The following CPQ variants were observed in gnomAD, a reference collection of about 807,000 sequenced individuals.
The protein encoded by CPQ is Ser-Met dipeptidase.
A neutral mutation model predicts 45.7 loss-of-function variants in CPQ; 37 were observed. The observed-to-expected ratio is 0.81, with a 90% CI of 0.62 to 1.07. The LOEUF (loss-of-function observed/expected upper bound fraction) is 1.07. Among genes scored for constraint, CPQ ranks in the 50% least tolerant of loss-of-function variants. The probability of loss-of-function intolerance (pLI) is 0.00; values close to 1 mark genes in which losing one functional copy is unlikely to be tolerated. For synonymous variants in CPQ, 186 were observed against 205.8 expected (o/e 0.90, Z 0.82); for missense variants, 537 against 572.9 (o/e 0.94, Z 0.64).
chr8:96,986,515 C>T (rs1417263287), intron 5 of CPQ, among the ~76,000 whole-genome samples: 1 of 152,012 alleles, frequency 6.6e-6, no homozygotes, highest in African/African-American at 2.4e-5. Flanking sequence ...TCTCTCAAAC[C>T]CCAATGCCCA....
chr8:96,653,179 T>C (rs1045309857), intron 1 of CPQ, among the ~76,000 whole-genome samples: 1 of 152,208 alleles, frequency 6.6e-6, no homozygotes, highest in African/African-American at 2.4e-5. Flanking sequence ...TCTACTCTCC[T>C]TGGCCTCCCA....
At chr8:96,822,811 C>T (rs1811328052) in intron 2 of CPQ, among the ~76,000 whole-genome samples, 1 of 152,018 alleles carries the variant, frequency 6.6e-6, no homozygotes, top group Non-Finnish European at 1.5e-5. Context: ...AGTTCGTTAG[C>T]ATAAAATCCT....
chr8:97,094,599 G>A (rs1258957378), intron 7 of CPQ, among the ~76,000 whole-genome samples: 2 of 151,984 alleles, frequency 1.3e-5, no homozygotes, highest in South Asian at 2.1e-4. Flanking sequence ...TATAGCATGT[G>A]TTCCTCTTCT....
intron 6 of CPQ, among the ~76,000 whole-genome samples, chr8:97,036,205 G>A (rs1810003686): frequency 6.6e-6 from 1 of 152,102 alleles, no homozygotes; most frequent in Non-Finnish European, 1.5e-5. Context: ...AACACATGGG[G>A]GCTGTTGAAA....
intron 1 of CPQ, among the ~76,000 whole-genome samples, chr8:96,661,951 G>GAGTAT (rs1815706270): frequency 1.3e-5 from 2 of 152,166 alleles, no homozygotes; most frequent in Admixed American, 1.3e-4. Flanking sequence ...CCAGCATTTG[G>GAGTAT]TGTTGTCAGT....
At chr8:97,074,943 A>G (rs1810816697) in intron 7 of CPQ, among the ~76,000 whole-genome samples, 1 of 152,116 alleles carries the variant, frequency 6.6e-6, no homozygotes, top group Non-Finnish European at 1.5e-5. Context: ...CCAGATGAAA[A>G]AGAGTCATAA....
At chr8:97,103,149 T>A (rs1304580766) in intron 7 of CPQ, among the ~76,000 whole-genome samples, 4 of 152,152 alleles carry the variant, frequency 2.6e-5, no homozygotes, top group Non-Finnish European at 5.9e-5. Context: ...TAATCAACCA[T>A]CTTAAAATCC....
chr8:96,723,056 GTTTTCAACTTAACA>G (rs1007150012), intron 1 of CPQ, among the ~76,000 whole-genome samples: 1 of 152,116 alleles, frequency 6.6e-6, no homozygotes, highest in Non-Finnish European at 1.5e-5. Context: ...TTTGGGGAAA[GTTTTCAACTTAACA>G]TTTTCAGCTT....
rs186491332 is a variant in CPQ at position 96,927,532 on chromosome 8, G to A, written c.850-38403G>A. ...CATTATTGTGCTCCTGAGGGGTTGC[G>A]CTCCTAGACTTCATCAGTGTCACTG... On this transcript the variant is annotated intron_variant, in intron 4 of 7. Transcript: ENST00000220763. Among the ~76,000 whole-genome samples, 210 of 152,260 alleles carry A rather than the reference G, an allele frequency of 1.4e-3. 2 individuals carry two copies. Among genetic ancestry groups the A allele is most frequent in the Admixed American group, 0.01 (153 of 15,292 alleles).
At chr8:97,072,547 C>T (rs187224017) in intron 7 of CPQ, among the ~76,000 whole-genome samples, 190 of 152,210 alleles carry the variant, frequency 1.2e-3, no homozygotes, top group Middle Eastern at 0.01. Flanking sequence ...GTCAAACTGT[C>T]GCTGTTTGCT....
At chr8:96,681,607 A>G (rs1279002435) in intron 1 of CPQ, among the ~76,000 whole-genome samples, 1 of 152,226 alleles carries the variant, frequency 6.6e-6, no homozygotes, top group Non-Finnish European at 1.5e-5. Flanking sequence ...GTGGGGTTGG[A>G]ACCCAACACA....
chr8:96,747,349 G>T (rs1169083230), intron 1 of CPQ, among the ~76,000 whole-genome samples: 1 of 151,598 alleles, frequency 6.6e-6, no homozygotes, highest in Non-Finnish European at 1.5e-5. Flanking sequence ...AGCAAGGGCT[G>T]ACCAATGCAT....
intron 1 of CPQ, among the ~76,000 whole-genome samples, chr8:96,718,714 G>A (rs540214748): frequency 3.4e-4 from 51 of 152,122 alleles, no homozygotes; most frequent in African/African-American, 8.9e-4. Context: ...GAGCCGAGTG[G>A]TCTGTTTTGA....
intron 6 of CPQ, among the ~76,000 whole-genome samples, chr8:97,042,274 A>G (rs370149939): frequency 0.012 from 1,836 of 148,068 alleles, 43 homozygotes; most frequent in African/African-American, 0.043. Flanking sequence ...TATTTGCGTA[A>G]AGGTGTTTGT....
intron 5 of CPQ, among the ~76,000 whole-genome samples, chr8:96,984,907 T>G (rs1217366234): frequency 6.6e-6 from 1 of 152,206 alleles, no homozygotes; most frequent in Non-Finnish European, 1.5e-5. Context: ...ACTGATATGT[T>G]TATGAACTAT....
intron 1 of CPQ, among the ~76,000 whole-genome samples, chr8:96,686,200 T>C (rs925995475): frequency 3.9e-5 from 6 of 152,058 alleles, no homozygotes; most frequent in Non-Finnish European, 7.4e-5. Context: ...CATTTTACTG[T>C]CTAGTTATGT....
intron 1 of CPQ, among the ~76,000 whole-genome samples, chr8:96,683,910 G>A (rs745468697): frequency 5.9e-5 from 9 of 151,988 alleles, no homozygotes; most frequent in Non-Finnish European, 1.2e-4. Flanking sequence ...TTGGATATCT[G>A]TCTCTGGTAT....
At chr8:96,829,373 G>A (rs1811419994) in intron 2 of CPQ, among the ~76,000 whole-genome samples, 1 of 152,084 alleles carries the variant, frequency 6.6e-6, no homozygotes, top group Non-Finnish European at 1.5e-5. Context: ...TTTGCCCCTT[G>A]TTCCTCTTTC....
intron 4 of CPQ, among the ~76,000 whole-genome samples, chr8:96,931,957 G>A (rs1269749429): frequency 1.5e-5 from 2 of 129,518 alleles, no homozygotes; most frequent in African/African-American, 7.7e-5. Context: ...ACTTCCCCAG[G>A]GAGAAACTTG....
Sources: gnomAD v4.1 joint callset for allele counts (sites outside exome capture counted in the v4.1 genomes callset) on GRCh38, gnomAD v4.1.1 for gene constraint, MANE v1.5 for transcripts, NCBI Gene and HGNC (gene_info 2026-07-23, HGNC 2026-07-21) for gene names.